MBOAT2: variants seen among roughly 807,000 people sequenced by gnomAD.
MBOAT2 encodes the protein membrane-bound glycerophospholipid O-acyltransferase 2.
MBOAT2 carries 28 observed loss-of-function variants against 63.4 expected under a neutral mutation model. That is an observed-to-expected ratio of 0.44 (90% CI 0.33 to 0.61). The LOEUF is 0.61. Among genes scored for constraint, MBOAT2 ranks in the 20% least tolerant of loss-of-function variants. MBOAT2 has a pLI of 0.03. For synonymous variants in MBOAT2, 211 were observed against 215.6 expected, an observed-to-expected ratio of 0.98 and a Z score of 0.19; for missense variants, 470 against 605.8, an observed-to-expected ratio of 0.78 and a Z score of 2.35.
At chr2:8,900,578 T>C (rs1045618859) in intron 4 of MBOAT2, among the ~76,000 whole-genome samples, 1 of 152,160 alleles carries the variant, frequency 6.6e-6, no homozygotes, top group Admixed American at 6.5e-5. Flanking sequence ...TGGGGGGTTT[T>C]GTGGTACTTT....
At chr2:8,975,917 C>A (rs1670783799) in intron 1 of MBOAT2, among the ~76,000 whole-genome samples, 1 of 152,082 alleles carries the variant, frequency 6.6e-6, no homozygotes. Flanking sequence ...TTCTTATCTC[C>A]TGAATTATAT....
intron 3 of MBOAT2, among the ~76,000 whole-genome samples, chr2:8,924,848 T>C (rs1222238615): frequency 6.6e-6 from 1 of 152,174 alleles, no homozygotes; most frequent in African/African-American, 2.4e-5. Flanking sequence ...GCTATTGGTA[T>C]TAAGCAAGAT....
intron 3 of MBOAT2, among the ~76,000 whole-genome samples, chr2:8,920,560 C>CA (rs56670658): frequency 0.14 from 20,413 of 143,536 alleles, 1,884 homozygotes; most frequent in African/African-American, 0.28. Context: ...CAATTTCTAC[C>CA]AAAAAAAAAA....
Position 8,862,570 on chromosome 2 carries a change from A to G in MBOAT2, c.1185+20T>C, listed in dbSNP as rs1363979227. Reference sequence around the variant, plus strand: ...TTCAAGTGGACCATTGAATTGTAAAATAAAATTCTTGATACTTACAGCTCT... The same window carrying G: ...TTCAAGTGGACCATTGAATTGTAAAGTAAAATTCTTGATACTTACAGCTCT... On this transcript the variant is annotated intron_variant, in intron 11 of 12. Coordinates refer to ENST00000305997, the MANE Select transcript of MBOAT2 (RefSeq NM_138799.4). The surrounding 1 kb of genome is among the most constrained non-coding windows in gnomAD (Gnocchi z 4.3). The G allele has an allele frequency of 9.4e-6, 15 of 1,601,464 alleles. No individual in the cohort carries two copies. Among genetic ancestry groups the G allele is most frequent in the Non-Finnish European group, 1.0e-5 (12 of 1,175,600 alleles).
chr2:8,981,682 G>T (rs534243427), intron 1 of MBOAT2, among the ~76,000 whole-genome samples: 160 of 152,128 alleles, frequency 1.1e-3, no homozygotes, highest in Middle Eastern at 3.4e-3. Flanking sequence ...AGAGGGAGGG[G>T]GAAACAGGAA....
intron 2 of MBOAT2, among the ~76,000 whole-genome samples, chr2:8,953,573 A>G (rs1435817547): frequency 2.0e-5 from 3 of 152,204 alleles, no homozygotes; most frequent in Non-Finnish European, 2.9e-5. Flanking sequence ...CAGGAATGCT[A>G]ATAATTTGTA....
chr2:8,970,698 C>T (rs1357639056), intron 1 of MBOAT2, among the ~76,000 whole-genome samples: 3 of 152,016 alleles, frequency 2.0e-5, no homozygotes, highest in Admixed American at 1.3e-4. Flanking sequence ...ATATCACCAC[C>T]GATCCCACAG....
At chr2:8,885,669 G>A (rs1663497357) in intron 5 of MBOAT2, among the ~76,000 whole-genome samples, 1 of 152,150 alleles carries the variant, frequency 6.6e-6, no homozygotes, top group South Asian at 2.1e-4. Context: ...TAAGCCCTCA[G>A]CAATCTCATA....
intron 3 of MBOAT2, among the ~76,000 whole-genome samples, chr2:8,915,199 A>G (rs1324079025): frequency 3.9e-5 from 6 of 152,090 alleles, no homozygotes; most frequent in Admixed American, 2.0e-4. Flanking sequence ...TCAGCCTCCC[A>G]AAGTGCTGGA....
chr2:8,938,212 C>A (rs927707514), intron 3 of MBOAT2, among the ~76,000 whole-genome samples: 1 of 152,174 alleles, frequency 6.6e-6, no homozygotes, highest in Non-Finnish European at 1.5e-5. Context: ...TCCCTTAGTA[C>A]ATGAAACACA....
chr2:8,865,654 T>TA (rs1239326706), intron 9 of MBOAT2, among the ~76,000 whole-genome samples: 1 of 152,270 alleles, frequency 6.6e-6, no homozygotes, highest in African/African-American at 2.4e-5. Context: ...GCCCTATTTC[T>TA]ACCCTCTTCC....
intron 8 of MBOAT2, among the ~76,000 whole-genome samples, chr2:8,871,945 A>T (rs903680640): frequency 1.5e-4 from 23 of 152,366 alleles, no homozygotes; most frequent in African/African-American, 4.8e-4. Flanking sequence ...ATAAAAAGAC[A>T]ATACATATAT....
At chr2:8,999,416 T>C (rs1379362375) in intron 1 of MBOAT2, among the ~76,000 whole-genome samples, 1 of 152,158 alleles carries the variant, frequency 6.6e-6, no homozygotes, top group Non-Finnish European at 1.5e-5. Flanking sequence ...GCAACCTCAG[T>C]TTGGTAACCG....
chr2:8,982,617 C>T (rs1190984903), intron 1 of MBOAT2, among the ~76,000 whole-genome samples: 2 of 152,168 alleles, frequency 1.3e-5, no homozygotes, highest in Admixed American at 1.3e-4. Context: ...TTCCCTCCAT[C>T]CATCTACTTC....
intron 1 of MBOAT2, among the ~76,000 whole-genome samples, chr2:8,990,914 A>C (rs898822082): frequency 6.6e-6 from 1 of 152,222 alleles, no homozygotes; most frequent in African/African-American, 2.4e-5. Context: ...TTATAAGCTT[A>C]TACTAAGGAC....
Position 8,862,016 on chromosome 2 carries a change from G to A in MBOAT2, c.1185+574C>T, listed in dbSNP as rs79333556. ...CTTGTTCAAACATGGTTTTTGTCAC[G>A]TCACTTTCCTCTAACTGGTTTTCAA... On this transcript the variant is annotated intron_variant, in intron 11 of 12. Transcript: ENST00000305997. The surrounding 1 kb of genome is among the most constrained non-coding windows in gnomAD (Gnocchi z 4.3). 2.8e-3 allele frequency among the ~76,000 whole-genome samples: 424 copies of A among 152,220 alleles called. 9 individuals carry two copies. In the East Asian group the frequency reaches 0.065, roughly 24 times the overall value.
chr2:8,860,630 T>C lies in MBOAT2; in HGVS notation c.1320A>G (p.Pro440=), dbSNP rs756385771. Residue 440 remains proline, a synonymous_variant, in exon 12 of 13, where the codon CCA becomes CCG. Transcript: ENST00000305997. The part of the protein sequence containing the change: ...VVPFVLLSIK[P]SLTFYSSWYY... The stretch of plus-strand genomic sequence containing the variant: ...ACACTTACCTGTAAAACGTGAGTGA[T>C]GGTTTTATAGAAAGAAGCACAAATG... 1.9e-6 allele frequency: 3 copies of C among 1,613,120 alleles called. No individual in the cohort carries two copies. Among genetic ancestry groups the C allele is most frequent in the Non-Finnish European group, 8.5e-7 (1 of 1,179,746 alleles).
At chr2:8,977,395 G>A (rs1218384231) in intron 1 of MBOAT2, among the ~76,000 whole-genome samples, 1 of 152,228 alleles carries the variant, frequency 6.6e-6, no homozygotes, top group East Asian at 1.9e-4. Flanking sequence ...TGAAATGTCT[G>A]TATTTCTTCC....
At chr2:8,864,026 A>C (rs1661680431) in intron 10 of MBOAT2, 144 bp downstream of exon 10, 1 of 561,320 alleles carries the variant, frequency 1.8e-6, no homozygotes, top group African/African-American at 2.0e-5. Flanking sequence ...GCTTAGGAGG[A>C]GGCTAACAGT....
Sources: gnomAD v4.1 joint callset for allele counts (sites outside exome capture counted in the v4.1 genomes callset) on GRCh38, gnomAD v4.1.1 for gene constraint, Gnocchi (gnomAD v3.1) non-coding constraint, MANE v1.5 for transcripts, NCBI Gene and HGNC (gene_info 2026-07-23, HGNC 2026-07-21) for gene names.